The following CPSF2 variants were observed in gnomAD, a reference collection of about 807,000 sequenced individuals.
The protein encoded by CPSF2 is cleavage and polyadenylation specific factor 2.
CPSF2 carries 51 observed loss-of-function variants against 84.2 expected under a neutral mutation model. The observed-to-expected ratio is 0.61, with a 90% CI of 0.48 to 0.77. CPSF2 has a LOEUF of 0.77. CPSF2 is among the 30% of genes least tolerant of loss of function. The probability of loss-of-function intolerance (pLI) is 0.00; values close to 1 mark genes in which losing one functional copy is unlikely to be tolerated. For synonymous variants in CPSF2, 286 were observed against 311.9 expected (o/e 0.92, Z 0.87); for missense variants, 641 against 929.4 (o/e 0.69, Z 4.03).
intron 6 of CPSF2, among the ~76,000 whole-genome samples, chr14:92,136,775 T>C (rs1040293227): frequency 6.6e-6 from 1 of 152,216 alleles, no homozygotes; most frequent in Non-Finnish European, 1.5e-5. Context: ...AACTGCAGCA[T>C]GGCTATTTGA....
chr14:92,169,049 G>A lies in CPSF2; in HGVS notation c.*7305G>A, dbSNP rs1595073052. On this transcript the variant is annotated 3_prime_UTR_variant, in exon 16 of 16. Coordinates refer to ENST00000298875, the MANE Select transcript of CPSF2 (RefSeq NM_017437.3). ...GGTTATGTTGACTTTAATATCCAAT[G>A]TATCATAGGTGTTTTCTTTTTTCTC... 6.6e-6 allele frequency: 1 copy of A among 152,204 alleles called. No individual in the cohort carries two copies. The highest frequency in any genetic ancestry group is 2.1e-4 in the South Asian group (1 of 4,822). The allele number at this position is 152,204 out of a possible 1,614,324, so 9.4% of individuals were successfully genotyped here. A position where few individuals can be genotyped will look rare whatever the true frequency, so the allele number is the denominator to read the frequency against.
intron 9 of CPSF2, among the ~76,000 whole-genome samples, chr14:92,150,979 G>A (rs1458110080): frequency 6.6e-6 from 1 of 152,184 alleles, no homozygotes; most frequent in Non-Finnish European, 1.5e-5. Context: ...ATTTACAAAT[G>A]TGATTTTAAA....
chr14:92,141,422 C>T (rs2069076983), intron 7 of CPSF2, among the ~76,000 whole-genome samples: 1 of 152,092 alleles, frequency 6.6e-6, no homozygotes, highest in Admixed American at 6.6e-5. Context: ...GCCTCAAACT[C>T]CTGGGCTCAA....
intron 11 of CPSF2, among the ~76,000 whole-genome samples, chr14:92,156,201 A>G (rs896753106): frequency 6.6e-6 from 1 of 152,108 alleles, no homozygotes; most frequent in Non-Finnish European, 1.5e-5. Flanking sequence ...GAGGCAGAGA[A>G]TTGCTTGAAC....
rs112826586 is a variant in CPSF2 at position 92,134,007 on chromosome 14, G to T, written c.150-4G>T. ...AAGTAGTCCTTTGGATTGTGTTCTT[G>T]TAGGCATGTTCACCAGATTGATGCA... is the stretch of plus-strand genomic sequence containing the variant. On this transcript the variant is annotated splice_region_variant and splice_polypyrimidine_tract_variant and intron_variant, in intron 3 of 15. Transcript: ENST00000298875. 5.3e-5 allele frequency: 85 copies of T among 1,613,832 alleles called. No individual in the cohort carries two copies. Among genetic ancestry groups the T allele is most frequent in the African/African-American group, 4.4e-4 (33 of 75,004 alleles).
chr14:92,122,191 C>A, intron 1 of CPSF2, 63 bp downstream of exon 1: 1 of 321,972 alleles, frequency 3.1e-6, no homozygotes, highest in South Asian at 2.6e-5. Context: ...ATTGGCCCTC[C>A]GGGAGCACGG....
In CPSF2 at chr14:92,167,901, T is replaced by TTG. The variant is rs1175131835; in HGVS notation, c.*6158_*6159insGT. The TTG allele has an allele frequency of 2.6e-5, 4 of 151,522 alleles. No individual in the cohort carries two copies. The highest frequency in any genetic ancestry group is 9.7e-5 in the African/African-American group (4 of 41,192). 9.4% of individuals were successfully genotyped at this position (151,522 alleles called of 1,614,324 possible). Reference sequence around the variant, plus strand: ...GAGAGGTTAATTGCAGGTTTTTTTTTTTTTTTTTTCTGGTAACCATAGAAT... The same window carrying TTG: ...GAGAGGTTAATTGCAGGTTTTTTTTTTGTTTTTTTTTCTGGTAACCATAGAAT... On this transcript the variant is annotated 3_prime_UTR_variant, in exon 16 of 16. Transcript: ENST00000298875.
At chr14:92,158,230 C>G (rs1055690446) in intron 13 of CPSF2, among the ~76,000 whole-genome samples, 2 of 151,974 alleles carry the variant, frequency 1.3e-5, no homozygotes, top group Non-Finnish European at 2.9e-5. Flanking sequence ...GCGTTCTAGG[C>G]AGAGGGAACC....
In CPSF2 at chr14:92,157,818, TATTA is replaced by T. The variant is rs780123515; in HGVS notation, c.1757_1760del (p.Ile586LysfsTer22). On this transcript the variant is annotated frameshift_variant, in exon 13 of 16. Transcript: ENST00000298875. LOFTEE classifies it high-confidence loss of function. This position sits in a 1 kb window ranked among gnomAD's most constrained non-coding sequence, Gnocchi z 4.0. ...GCTGTCGCGCCTTTGGTGGGAAAGATATTAAAGTGTACATGCCAAAGCTACATGA... is the reference window on the plus strand; with the variant it reads ...GCTGTCGCGCCTTTGGTGGGAAAGATAAGTGTACATGCCAAAGCTACATGA... 1.2e-6 allele frequency: 2 copies of T among 1,614,028 alleles called. No homozygotes were observed. The highest frequency in any genetic ancestry group is 2.7e-5 in the African/African-American group (2 of 74,898).
Position 92,128,041 on chromosome 14 carries a change from G to A in CPSF2, c.-35+1861G>A, listed in dbSNP as rs1375620144. On this transcript the variant is annotated intron_variant, in intron 2 of 15. Transcript: ENST00000298875. ...AGTCAGATTGAAGGGTAATACTTAC[G>A]GCCTGTTTGAGGCCTTTGGCCATGA... Among the ~76,000 whole-genome samples, 4 of 152,270 alleles carry A rather than the reference G, an allele frequency of 2.6e-5. No individual in the cohort carries two copies. The South Asian group carries it at 6.2e-4, about 24-fold the overall frequency.
At position 92,161,662 on chromosome 14, in the gene CPSF2, G is replaced by T. The variant is rs1375042075; in HGVS notation, c.2267G>T (p.Gly756Val). The stretch of plus-strand genomic sequence containing the variant: ...TTATTTGGTTTCTAGACGGAAACTG[G>T]ACGCATTGGATTAGAAGGCTGCCTT... ...NQVAVRRTETGRIGLEGCLCQ... is the reference protein window; with the variant it reads ...NQVAVRRTETVRIGLEGCLCQ... The change falls in exon 16 of 16, where the codon GGA becomes GTA. Residue 756 changes from glycine (G) to valine (V), a missense_variant. Coordinates refer to ENST00000298875, the MANE Select transcript of CPSF2 (RefSeq NM_017437.3). 2.5e-6 allele frequency: 4 copies of T among 1,585,812 alleles called. No homozygotes were observed. Among genetic ancestry groups the T allele is most frequent in the Admixed American group, 2.0e-5 (1 of 51,270 alleles).
chr14:92,160,496 AG>A (rs2069357572), intron 14 of CPSF2, among the ~76,000 whole-genome samples: 1 of 152,202 alleles, frequency 6.6e-6, no homozygotes, highest in South Asian at 2.1e-4. Context: ...AAGAATAGAG[AG>A]ACAGCCTCTG....
chr14:92,123,941 A>C (rs2141446134), intron 1 of CPSF2, among the ~76,000 whole-genome samples: 1 of 152,322 alleles, frequency 6.6e-6, no homozygotes, highest in South Asian at 2.1e-4. Context: ...TTTATAACAA[A>C]ATAACTAACT....
At chr14:92,138,988 A>G (rs1181141285) in intron 7 of CPSF2, among the ~76,000 whole-genome samples, 2 of 152,188 alleles carry the variant, frequency 1.3e-5, no homozygotes, top group Admixed American at 6.5e-5. Flanking sequence ...GCTGGTTTGA[A>G]TTTAACTTTT....
At position 92,155,047 on chromosome 14, in the gene CPSF2, A is replaced by C; in HGVS notation, c.1242-76A>C. On this transcript the variant is annotated intron_variant, in intron 10 of 15. Coordinates refer to ENST00000298875, the MANE Select transcript of CPSF2 (RefSeq NM_017437.3). Reference sequence around the variant, plus strand: ...AATTAATAATATTGAGTATGGATTCAGTAATAAATTGATAAATATTAATTT... The same window carrying C: ...AATTAATAATATTGAGTATGGATTCCGTAATAAATTGATAAATATTAATTT... 3.2e-6 allele frequency: 3 copies of C among 924,830 alleles called. No individual in the cohort carries two copies. The South Asian group carries it at 4.8e-5, about 15-fold the overall frequency. 57.3% of individuals were successfully genotyped at this position (924,830 alleles called of 1,614,324 possible). A position where few individuals can be genotyped will look rare whatever the true frequency, so the allele number is the denominator to read the frequency against.
intron 12 of CPSF2, 33 bp downstream of exon 12, chr14:92,156,664 T>C: frequency 7.0e-7 from 1 of 1,422,718 alleles, no homozygotes; most frequent in Non-Finnish European, 9.5e-7. Flanking sequence ...GAAAATAGAT[T>C]ATAAGATAAA....
chr14:92,153,841 A>C (rs2069252654), intron 9 of CPSF2, among the ~76,000 whole-genome samples: 1 of 150,794 alleles, frequency 6.6e-6, no homozygotes, highest in Non-Finnish European at 1.5e-5. Context: ...TAGCGGGGAC[A>C]ACAGGCACAT....
At chr14:92,140,434 CTT>C (rs35320936) in intron 7 of CPSF2, among the ~76,000 whole-genome samples, 19 of 123,304 alleles carry the variant, frequency 1.5e-4, no homozygotes, top group African/African-American at 1.5e-4. Flanking sequence ...ACCCCCATCT[CTT>C]TTTTTTTTTT....
chr14:92,166,927 T>C lies in CPSF2; in HGVS notation c.*5183T>C, dbSNP rs1567030122. ...TGGGGAAGTGTGAGTTCCCCAACTTTAGTTCTCCTTCAGGATTGTTTTGGC... is the reference window on the plus strand; with the variant it reads ...TGGGGAAGTGTGAGTTCCCCAACTTCAGTTCTCCTTCAGGATTGTTTTGGC... On this transcript the variant is annotated 3_prime_UTR_variant, in exon 16 of 16. Coordinates refer to ENST00000298875, the MANE Select transcript of CPSF2 (RefSeq NM_017437.3). 1 of 152,152 alleles carries C rather than the reference T, an allele frequency of 6.6e-6. No individual in the cohort carries two copies. Among genetic ancestry groups the C allele is most frequent in the Non-Finnish European group, 1.5e-5 (1 of 68,028 alleles). The allele number at this position is 152,152 out of a possible 1,614,324, so 9.4% of individuals were successfully genotyped here. A position where few individuals can be genotyped will look rare whatever the true frequency, so the allele number is the denominator to read the frequency against.
Sources: allele counts gnomAD v4.1 joint callset (sites outside exome capture counted in the v4.1 genomes callset), GRCh38; gene constraint gnomAD v4.1.1; non-coding constraint Gnocchi (gnomAD v3.1); transcripts MANE v1.5; gene names NCBI Gene and HGNC (gene_info 2026-07-23, HGNC 2026-07-21).